GAD2: variants seen among roughly 807,000 people sequenced by gnomAD.
GAD2 encodes the protein 65 kDa glutamic acid decarboxylase.
GAD2 carries 22 observed loss-of-function variants against 80.1 expected under a neutral mutation model. That is an observed-to-expected ratio of 0.27 (90% confidence interval 0.20 to 0.39). The LOEUF (loss-of-function observed/expected upper bound fraction) is 0.39, where lower values mean the gene tolerates loss of function less well. GAD2 is among the 10% of genes least tolerant of loss of function. GAD2 has a pLI of 1.00. For synonymous variants in GAD2, 274 were observed against 256.9 expected, an observed-to-expected ratio of 1.07 and a Z score of -0.64; for missense variants, 624 against 738.4, an observed-to-expected ratio of 0.85 and a Z score of 1.80.
chr10:26,235,135 A>G (rs1389013395), intron 7 of GAD2, among the ~76,000 whole-genome samples: 1 of 152,170 alleles, frequency 6.6e-6, no homozygotes, highest in Non-Finnish European at 1.5e-5. Context: ...TGGCCTTCCA[A>G]AGTTCTGGGA....
chr10:26,278,252 C>G (rs992990), intron 11 of GAD2, among the ~76,000 whole-genome samples: 1 of 151,936 alleles, frequency 6.6e-6, no homozygotes, highest in African/African-American at 2.4e-5. Flanking sequence ...TGAGTTTATC[C>G]GAATTAGACA....
chr10:26,280,822 A>G (rs1845262623), intron 11 of GAD2, among the ~76,000 whole-genome samples, 187 bp from the exon 12 acceptor site: 1 of 152,112 alleles, frequency 6.6e-6, no homozygotes, highest in Admixed American at 6.5e-5. Flanking sequence ...ACTACGCACT[A>G]TATACGTGTA....
At chr10:26,220,396 GT>G (rs1356007656) in intron 4 of GAD2, among the ~76,000 whole-genome samples, 3 of 152,184 alleles carry the variant, frequency 2.0e-5, no homozygotes, top group Non-Finnish European at 4.4e-5. Context: ...TTCTTAAAAT[GT>G]TTGCTGTGAG....
chr10:26,273,437 C>T (rs913629926), intron 10 of GAD2, among the ~76,000 whole-genome samples, 199 bp from the exon 11 acceptor site: 16 of 152,216 alleles, frequency 1.1e-4, no homozygotes, highest in African/African-American at 3.6e-4. Context: ...TGGCTCCTTA[C>T]ACCCATATAA....
intron 8 of GAD2, among the ~76,000 whole-genome samples, chr10:26,262,011 T>C (rs567292862): frequency 1.3e-5 from 2 of 152,284 alleles, no homozygotes; most frequent in East Asian, 3.9e-4. Flanking sequence ...TAATTTCTAA[T>C]ATTATATTTA....
Position 26,292,473 on chromosome 10 carries a change from C to T in GAD2, c.1395C>T (p.Thr465=), listed in dbSNP as rs753339116. 31 of 1,613,436 alleles carry T rather than the reference C, an allele frequency of 1.9e-5. No homozygotes were observed. The highest frequency in any genetic ancestry group is 2.3e-5 in the Non-Finnish European group (27 of 1,179,506). ...GTCCTTCTCTTACCTAGGGGACTAC[C>T]GGGTTTGAAGCGCATGTTGATAAAT... ...LWLMWRAKGT[T]GFEAHVDKCL... The change falls in exon 14 of 16, where the codon ACC becomes ACT. Residue 465 remains threonine (T), a synonymous_variant. Transcript: ENST00000376261.
intron 7 of GAD2, among the ~76,000 whole-genome samples, chr10:26,236,387 G>C (rs534422465): frequency 6.8e-6 from 1 of 147,542 alleles, no homozygotes; most frequent in African/African-American, 2.5e-5. Context: ...TGCAACCTCC[G>C]CCTCCCGGGA....
In GAD2 at chr10:26,217,643, C is replaced by A; in HGVS notation, c.110C>A (p.Thr37Lys). Residue 37 changes from threonine to lysine, a missense_variant, in exon 2 of 16, where the codon ACG (threonine) becomes AAG (lysine). Coordinates refer to ENST00000376261, the MANE Select transcript of GAD2 (RefSeq NM_001134366.2). This position sits in a 1 kb window ranked among gnomAD's most constrained non-coding sequence, Gnocchi z 4.9. ...RAWCQVAQKFTGGIGNKLCAL... is the reference protein window; with the variant it reads ...RAWCQVAQKFKGGIGNKLCAL... ...TGGTGCCAAGTGGCTCAGAAGTTCA[C>A]GGGCGGCATCGGAAACAAACTGTGC... 6.2e-7 allele frequency: 1 copy of A among 1,613,680 alleles called. No individual in the cohort carries two copies. The highest frequency in any genetic ancestry group is 8.5e-7 in the Non-Finnish European group (1 of 1,179,832).
intron 13 of GAD2, among the ~76,000 whole-genome samples, chr10:26,287,695 A>G (rs147436759): frequency 1.2e-4 from 18 of 152,174 alleles, no homozygotes; most frequent in African/African-American, 4.1e-4. Flanking sequence ...AGTTTTTGTT[A>G]TCTGGTATAC....
chr10:26,233,352 G>GATGCTAATTTGTGA (rs1197390091), intron 7 of GAD2, among the ~76,000 whole-genome samples: 1 of 152,144 alleles, frequency 6.6e-6, no homozygotes, highest in Non-Finnish European at 1.5e-5. Context: ...ATGTGAAACC[G>GATGCTAATTTGTGA]ATGCTAATTT....
At chr10:26,265,833 C>T (rs1349016528) in intron 8 of GAD2, among the ~76,000 whole-genome samples, 1 of 152,244 alleles carries the variant, frequency 6.6e-6, no homozygotes, top group Admixed American at 6.5e-5. Flanking sequence ...AGCTTCTCAT[C>T]TGCAGAGGAC....
chr10:26,291,856 G>A (rs1834216951), intron 13 of GAD2, among the ~76,000 whole-genome samples: 1 of 152,188 alleles, frequency 6.6e-6, no homozygotes, highest in Admixed American at 6.5e-5. Context: ...CAGTGATAAT[G>A]TTCACCCATT....
At chr10:26,232,333 C>T (rs1273679810) in intron 7 of GAD2, among the ~76,000 whole-genome samples, 2 of 152,134 alleles carry the variant, frequency 1.3e-5, no homozygotes, top group African/African-American at 4.8e-5. Flanking sequence ...TGCCAGGCAT[C>T]TCTGGTTTGG....
intron 8 of GAD2, among the ~76,000 whole-genome samples, chr10:26,257,886 G>A (rs775065338): frequency 2.2e-4 from 33 of 152,218 alleles, no homozygotes; most frequent in African/African-American, 6.3e-4. Flanking sequence ...TAACTCTTTC[G>A]GGTCCTTGGG....
intron 12 of GAD2, among the ~76,000 whole-genome samples, chr10:26,285,769 T>G (rs1271690229): frequency 3.5e-4 from 19 of 54,788 alleles, no homozygotes; most frequent in African/African-American, 9.3e-4. Flanking sequence ...AATATGTGGG[T>G]TTTTTTTTTT....
At chr10:26,242,702 T>C (rs1844757843) in intron 7 of GAD2, among the ~76,000 whole-genome samples, 1 of 152,208 alleles carries the variant, frequency 6.6e-6, no homozygotes, top group African/African-American at 2.4e-5. Flanking sequence ...GCTTTCTATC[T>C]GGGCATGTGT....
intron 8 of GAD2, among the ~76,000 whole-genome samples, chr10:26,255,942 C>G (rs1844938318): frequency 6.6e-6 from 1 of 152,050 alleles, no homozygotes; most frequent in Non-Finnish European, 1.5e-5. Context: ...AGGGGCCAGC[C>G]TGGGCTTAGC....
intron 13 of GAD2, 55 bp downstream of exon 13, chr10:26,286,549 G>T (rs1263997433): frequency 6.0e-6 from 9 of 1,510,074 alleles, no homozygotes; most frequent in Non-Finnish European, 7.1e-6. Flanking sequence ...TTTATCTGGT[G>T]ACCCCATTAT....
chr10:26,279,802 C>T (rs1476531017), intron 11 of GAD2, among the ~76,000 whole-genome samples: 1 of 152,162 alleles, frequency 6.6e-6, no homozygotes, highest in African/African-American at 2.4e-5. Flanking sequence ...TGGAACTCTC[C>T]CCTGCTGTGG....
Sources: allele counts gnomAD v4.1 joint callset (sites outside exome capture counted in the v4.1 genomes callset), GRCh38; gene constraint gnomAD v4.1.1; non-coding constraint Gnocchi (gnomAD v3.1); transcripts MANE v1.5; gene names NCBI Gene and HGNC (gene_info 2026-07-23, HGNC 2026-07-21).